The following POMK variants were observed in gnomAD, a reference collection of about 807,000 sequenced individuals.
The protein encoded by POMK is Sugen kinase 196.
In POMK, 19 loss-of-function variants were observed where a neutral mutation model predicts 23.0. The observed-to-expected ratio is 0.83, with a 90% CI of 0.58 to 1.21. POMK has a LOEUF of 1.21. POMK is among the 50% of genes most tolerant of loss of function. POMK has a pLI of 0.00. For missense variants in POMK, 410 were observed against 431.3 expected (o/e 0.95, Z 0.44); for synonymous variants, 173 against 171.6 (o/e 1.01, Z -0.06).
At position 43,122,912 on chromosome 8, in the gene POMK, G is replaced by A; in HGVS notation, c.*35G>A. On this transcript the variant is annotated 3_prime_UTR_variant, in exon 5 of 5. Coordinates refer to ENST00000331373, the MANE Select transcript of POMK (RefSeq NM_032237.5). ...CAGCCAATGAAGGTGGGATTGAAGG[G>A]CTGAATGGAAGTTACAGCATTCTAC... 6.4e-7 allele frequency: 1 copy of A among 1,553,518 alleles called. No individual in the cohort carries two copies. The highest frequency in any genetic ancestry group is 8.7e-7 in the Non-Finnish European group (1 of 1,152,282).
Position 43,117,816 on chromosome 8 carries a change from C to T in POMK, c.283-4291C>T, listed in dbSNP as rs139093538. ...GGTGTATTCCTAAGATTCTATCATG[C>T]GCTGCTGGTGAAAGTGCATGCTAGC... On this transcript the variant is annotated intron_variant, in intron 4 of 4. Transcript: ENST00000331373. 4.9e-3 allele frequency among the ~76,000 whole-genome samples: 748 copies of T among 152,254 alleles called. 4 individuals carry two copies. Among genetic ancestry groups the T allele is most frequent in the African/African-American group, 0.017 (717 of 41,534 alleles).
At chr8:43,095,022 G>T (rs1418373513) in intron 1 of POMK, among the ~76,000 whole-genome samples, 1 of 152,154 alleles carries the variant, frequency 6.6e-6, no homozygotes, top group Non-Finnish European at 1.5e-5. Context: ...GAATATGCCT[G>T]TGAAACAAAA....
intron 4 of POMK, among the ~76,000 whole-genome samples, chr8:43,109,542 TTTA>T (rs1461331205): frequency 3.9e-5 from 6 of 152,112 alleles, no homozygotes; most frequent in Non-Finnish European, 8.8e-5. Context: ...AGATTTTTTT[TTTA>T]TTTTTTATTT....
chr8:43,113,485 T>C (rs548433176), intron 4 of POMK, among the ~76,000 whole-genome samples: 91 of 152,294 alleles, frequency 6.0e-4, no homozygotes, highest in African/African-American at 1.9e-3. Context: ...CACTTCTCTG[T>C]ATTGGTTATT....
At chr8:43,101,581 G>A (rs532990417) in intron 2 of POMK, among the ~76,000 whole-genome samples, 1 of 152,162 alleles carries the variant, frequency 6.6e-6, no homozygotes, top group Admixed American at 6.5e-5. Context: ...CTCTTTCCTT[G>A]GAGACTACCA....
intron 1 of POMK, among the ~76,000 whole-genome samples, chr8:43,096,025 C>G (rs535459012): frequency 6.6e-6 from 1 of 151,944 alleles, no homozygotes; most frequent in Non-Finnish European, 1.5e-5. Flanking sequence ...GCAGCCTGTG[C>G]GGCTGAGGCC....
chr8:43,094,519 A>C (rs796287252), intron 1 of POMK, among the ~76,000 whole-genome samples: 2 of 152,164 alleles, frequency 1.3e-5, no homozygotes, highest in African/African-American at 4.8e-5. Flanking sequence ...TAGAAAGCAA[A>C]ATTTCGCTGT....
In POMK at chr8:43,122,193, G is replaced by T; in HGVS notation, c.369G>T (p.Leu123=). Residue 123 remains leucine (L), a synonymous_variant, in exon 5 of 5, where the codon CTG becomes CTT. Coordinates refer to ENST00000331373, the MANE Select transcript of POMK (RefSeq NM_032237.5). ...TGAAAGATGATTTCCTCCATGGACT[G>T]CAGATGCTGAAATCTCTCCAAGGCA... ...LEMKDDFLHG[L]QMLKSLQGTH... 1 of 1,614,182 alleles carries T rather than the reference G, an allele frequency of 6.2e-7. No homozygotes were observed. Among genetic ancestry groups the T allele is most frequent in the Non-Finnish European group, 8.5e-7 (1 of 1,180,020 alleles).
At chr8:43,106,024 T>C (rs952676285) in intron 4 of POMK, among the ~76,000 whole-genome samples, 11 of 152,234 alleles carry the variant, frequency 7.2e-5, no homozygotes, top group African/African-American at 2.7e-4. Context: ...GTGGAATTGC[T>C]GGATCATATG....
chr8:43,120,591 A>G (rs568206837), intron 4 of POMK, among the ~76,000 whole-genome samples: 1 of 151,764 alleles, frequency 6.6e-6, no homozygotes, highest in Non-Finnish European at 1.5e-5. Context: ...ATATATATAT[A>G]TTGAATGATC....
chr8:43,094,256 C>T (rs181038266), intron 1 of POMK, among the ~76,000 whole-genome samples: 118 of 152,140 alleles, frequency 7.8e-4, no homozygotes, highest in African/African-American at 2.7e-3. Context: ...AGGCTGGTCT[C>T]GAACGCCTGA....
rs1811931827 is a variant in POMK, at chr8:43,122,225, T to G, written c.401T>G (p.Val134Gly). Reference sequence around the variant, plus strand: ...CTGAAATCTCTCCAAGGCACACATGTTGTCACGCTGCTTGGCTATTGTGAG... The same window carrying G: ...CTGAAATCTCTCCAAGGCACACATGGTGTCACGCTGCTTGGCTATTGTGAG... ...QMLKSLQGTH[V>G]VTLLGYCEDD... is the part of the protein sequence containing the mutation. Residue 134 changes from valine to glycine, a missense_variant, in exon 5 of 5, where the codon GTT becomes GGT. Val to Gly is a moderately radical substitution (Grantham distance 109). Coordinates refer to ENST00000331373, the MANE Select transcript of POMK (RefSeq NM_032237.5). 12 of 1,614,212 alleles carry G rather than the reference T, an allele frequency of 7.4e-6. No individual in the cohort carries two copies. The highest frequency in any genetic ancestry group is 9.3e-6 in the Non-Finnish European group (11 of 1,180,044).
chr8:43,115,405 G>A (rs1197411266), intron 4 of POMK, among the ~76,000 whole-genome samples: 1 of 152,138 alleles, frequency 6.6e-6, no homozygotes, highest in Non-Finnish European at 1.5e-5. Flanking sequence ...CCACGTCACA[G>A]ATCTCCCTCA....
At chr8:43,104,029 T>C (rs1362498689) in intron 4 of POMK, among the ~76,000 whole-genome samples, 199 bp downstream of exon 4, 6 of 152,220 alleles carry the variant, frequency 3.9e-5, no homozygotes, top group Non-Finnish European at 8.8e-5. Flanking sequence ...GCAGTAGGCA[T>C]AGGTTTCAGC....
In POMK at chr8:43,122,528, A is replaced by G. The variant is rs200742772; in HGVS notation, c.704A>G (p.Asn235Ser). The G allele has an allele frequency of 1.0e-4, 163 of 1,614,058 alleles. No individual in the cohort carries two copies. The highest frequency in any genetic ancestry group is 6.6e-4 in the Middle Eastern group (4 of 6,084). ...ANDLDALPLVNHSSGMLVKCG... is the reference protein window; with the variant it reads ...ANDLDALPLVSHSSGMLVKCG... Reference sequence around the variant, plus strand: ...GACTTGGACGCCTTACCCCTGGTGAACCACAGCTCCGGGATGCTGGTGAAG... The same window carrying G: ...GACTTGGACGCCTTACCCCTGGTGAGCCACAGCTCCGGGATGCTGGTGAAG... Residue 235 changes from asparagine to serine, a missense_variant, in exon 5 of 5, where the codon AAC becomes AGC. Asn to Ser is a conservative substitution (Grantham distance 46). Coordinates refer to ENST00000331373, the MANE Select transcript of POMK (RefSeq NM_032237.5).
chr8:43,096,437 C>T (rs766702471), intron 1 of POMK, among the ~76,000 whole-genome samples: 5 of 151,476 alleles, frequency 3.3e-5, no homozygotes, highest in African/African-American at 4.9e-5. Context: ...CCAAGGTGGG[C>T]GGATCACGAG....
chr8:43,108,275 C>A (rs1373574452), intron 4 of POMK, among the ~76,000 whole-genome samples: 2 of 152,162 alleles, frequency 1.3e-5, no homozygotes, highest in African/African-American at 4.8e-5. Flanking sequence ...TTTACAAGTA[C>A]AAGTCAAGGT....
intron 4 of POMK, among the ~76,000 whole-genome samples, chr8:43,117,551 A>G (rs1378309752): frequency 1.3e-5 from 2 of 152,150 alleles, no homozygotes; most frequent in East Asian, 1.9e-4. Context: ...GTGTTGTTCA[A>G]GGGTCAAGTA....
chr8:43,103,266 G>A (rs1811478906), intron 3 of POMK, among the ~76,000 whole-genome samples: 3 of 152,218 alleles, frequency 2.0e-5, no homozygotes, highest in Middle Eastern at 6.8e-3. Flanking sequence ...ACTGTGAGTC[G>A]GACAGAGTCA....
Sources: gnomAD v4.1 joint callset for allele counts (sites outside exome capture counted in the v4.1 genomes callset) on GRCh38, gnomAD v4.1.1 for gene constraint, MANE v1.5 for transcripts, NCBI Gene and HGNC (gene_info 2026-07-23, HGNC 2026-07-21) for gene names.